The following ANK2 variants were observed in gnomAD, a reference collection of about 807,000 sequenced individuals.
The protein encoded by ANK2 is ankyrin-2.
A neutral mutation model predicts 360.5 loss-of-function variants in ANK2; 83 were observed. The observed-to-expected ratio is 0.23, with a 90% confidence interval of 0.19 to 0.28. The LOEUF is 0.28. Ranked by LOEUF, ANK2 falls within the 10% of genes least tolerant of loss-of-function variation. The pLI is 1.00. For missense variants in ANK2, 4,201 were observed against 4,795.7 expected, an observed-to-expected ratio of 0.88 and a Z score of 3.66; for synonymous variants, 1,740 against 1,759.5, an observed-to-expected ratio of 0.99 and a Z score of 0.28.
the ANK2 span, among the ~76,000 whole-genome samples, chr4:112,757,238 G>A: frequency 2.7e-5 from 4 of 150,564 alleles, no homozygotes; most frequent in African/African-American, 4.9e-5. Context: ...TCTGCCTCTC[G>A]AGTAGCTGGG....
chr4:112,928,668 G>C (rs1340983755), intron 2 of ANK2, among the ~76,000 whole-genome samples: 1 of 151,956 alleles, frequency 6.6e-6, no homozygotes, highest in Admixed American at 6.6e-5. Flanking sequence ...ACACTCACAG[G>C]ACAAAGACAC....
At chr4:113,016,362 C>A (rs1320736235) in intron 2 of ANK2, among the ~76,000 whole-genome samples, 1 of 152,102 alleles carries the variant, frequency 6.6e-6, no homozygotes, top group Non-Finnish European at 1.5e-5. Context: ...GTTCTTCACC[C>A]GCCAAGTTTC....
At position 113,064,550 on chromosome 4, in the gene ANK2, C is replaced by T. The variant is rs144111053; in HGVS notation, c.84+14738C>T. On this transcript the variant is annotated intron_variant, in intron 1 of 45. Coordinates refer to ENST00000357077, the MANE Select transcript of ANK2 (RefSeq NM_001148.6). The stretch of plus-strand genomic sequence containing the variant: ...CTCCCCACCTGCCAGCCCTGCTTAT[C>T]CACCTCACTCTAGGAGCTCAATTTG... 2.6e-5 allele frequency among the ~76,000 whole-genome samples: 4 copies of T among 152,282 alleles called. No homozygotes were observed. In the East Asian group the frequency reaches 5.8e-4, roughly 22 times the overall value.
At chr4:112,952,711 A>G (rs2095104386) in intron 2 of ANK2, among the ~76,000 whole-genome samples, 2 of 152,352 alleles carry the variant, frequency 1.3e-5, no homozygotes, top group East Asian at 3.9e-4. Context: ...ATTATTGAGC[A>G]AAATTATTAT....
At chr4:113,192,382 C>G (rs567439139) in intron 2 of ANK2, among the ~76,000 whole-genome samples, 7 of 152,252 alleles carry the variant, frequency 4.6e-5, no homozygotes, top group Middle Eastern at 3.4e-3. Flanking sequence ...TAAAAAGTTT[C>G]ACCAAAACCC....
chr4:113,195,588 G>A (rs947988962), intron 2 of ANK2, among the ~76,000 whole-genome samples: 10 of 152,094 alleles, frequency 6.6e-5, no homozygotes, highest in South Asian at 2.1e-4. Flanking sequence ...TTAGAATACC[G>A]TCTGTATAAG....
At chr4:112,957,719 G>C (rs1351049293) in intron 2 of ANK2, among the ~76,000 whole-genome samples, 1 of 150,446 alleles carries the variant, frequency 6.6e-6, no homozygotes, top group Admixed American at 6.6e-5. Context: ...CCTCCCGGAC[G>C]GGGTGGCTGC....
At chr4:112,994,076 C>G (rs770996987) in intron 2 of ANK2, among the ~76,000 whole-genome samples, 14 of 152,172 alleles carry the variant, frequency 9.2e-5, no homozygotes, top group Non-Finnish European at 1.5e-4. Flanking sequence ...GAACATCTCA[C>G]GTATTGCTAG....
chr4:113,020,632 A>G (rs2057803016), intron 2 of ANK2, among the ~76,000 whole-genome samples: 2 of 152,174 alleles, frequency 1.3e-5, no homozygotes, highest in Non-Finnish European at 2.9e-5. Context: ...GTCCAAGACC[A>G]GCCTGGCAAA....
At chr4:112,775,646 T>C in the ANK2 span, among the ~76,000 whole-genome samples, 4 of 152,188 alleles carry the variant, frequency 2.6e-5, no homozygotes, top group East Asian at 3.9e-4. Flanking sequence ...GGGCAGGTTG[T>C]AGGGTAGAGG....
chr4:113,032,458 A>T (rs1279399371), intron 2 of ANK2, among the ~76,000 whole-genome samples: 1 of 151,944 alleles, frequency 6.6e-6, no homozygotes, highest in Non-Finnish European at 1.5e-5. Flanking sequence ...CACCCTTTTA[A>T]CTGTTATTAC....
intron 22 of ANK2, 62 bp downstream of exon 22, chr4:113,293,600 G>T (rs1376092064): frequency 2.1e-6 from 3 of 1,447,294 alleles, no homozygotes; most frequent in Non-Finnish European, 2.9e-6. Flanking sequence ...CTAAATACAT[G>T]TACAGTACTT....
At chr4:112,963,095 A>C (rs1018082078) in intron 2 of ANK2, among the ~76,000 whole-genome samples, 1 of 152,140 alleles carries the variant, frequency 6.6e-6, no homozygotes, top group African/African-American at 2.4e-5. Flanking sequence ...AGATTCAGTT[A>C]GTTCTGACCC....
intron 2 of ANK2, among the ~76,000 whole-genome samples, chr4:112,925,956 T>C (rs2092486872): frequency 6.6e-6 from 1 of 152,246 alleles, no homozygotes; most frequent in Non-Finnish European, 1.5e-5. Context: ...TCTAGACCTC[T>C]ACACAAAAAT....
chr4:113,206,924 T>C (rs2098957474), intron 4 of ANK2, among the ~76,000 whole-genome samples: 8 of 152,234 alleles, frequency 5.3e-5, no homozygotes, highest in Middle Eastern at 3.4e-3. Flanking sequence ...CTCAGGAGGC[T>C]GAGGCAGGGG....
At chr4:113,144,158 G>A (rs1035518941) in intron 1 of ANK2, among the ~76,000 whole-genome samples, 4 of 152,090 alleles carry the variant, frequency 2.6e-5, no homozygotes, top group African/African-American at 4.8e-5. Context: ...CCTATAGCTG[G>A]GAAGTTAAAG....
intron 1 of ANK2, among the ~76,000 whole-genome samples, chr4:113,120,436 T>C (rs895942018): frequency 1.3e-5 from 2 of 152,158 alleles, no homozygotes; most frequent in Admixed American, 6.6e-5. Flanking sequence ...TTCACAAATT[T>C]GCGAGACTTA....
At chr4:112,767,719 T>C in the ANK2 span, among the ~76,000 whole-genome samples, 1 of 152,234 alleles carries the variant, frequency 6.6e-6, no homozygotes. Flanking sequence ...GTTATGAGTA[T>C]GTAGCTGCTG....
intron 18 of ANK2, among the ~76,000 whole-genome samples, chr4:113,286,030 T>A (rs2064399464): frequency 2.0e-5 from 3 of 152,200 alleles, no homozygotes; most frequent in Admixed American, 2.0e-4. Flanking sequence ...TGGTTGTTAG[T>A]TTGTAATCTT....
Sources: allele counts gnomAD v4.1 joint callset (sites outside exome capture counted in the v4.1 genomes callset), GRCh38; gene constraint gnomAD v4.1.1; transcripts MANE v1.5; gene names NCBI Gene and HGNC (gene_info 2026-07-23, HGNC 2026-07-21).